The following TSHZ2 variants were observed in gnomAD, a reference collection of about 807,000 sequenced individuals.
TSHZ2 encodes the protein teashirt homolog 2.
A neutral mutation model predicts 74.4 loss-of-function variants in TSHZ2; 21 were observed. The ratio of observed to expected loss-of-function variants is 0.28; its 90% confidence interval spans 0.20 to 0.41. TSHZ2 has a LOEUF of 0.41. Among genes scored for constraint, TSHZ2 ranks in the 10% least tolerant of loss-of-function variants. The pLI is 1.00. For synonymous variants in TSHZ2, 540 were observed against 515.3 expected, an observed-to-expected ratio of 1.05 and a Z score of -0.65; for missense variants, 1,244 against 1,293.5, an observed-to-expected ratio of 0.96 and a Z score of 0.59.
intron 1 of TSHZ2, among the ~76,000 whole-genome samples, chr20:52,976,861 T>C (rs543916055): frequency 1.3e-5 from 2 of 152,296 alleles, no homozygotes; most frequent in East Asian, 3.9e-4. Flanking sequence ...TGCTGACTCT[T>C]AAAGGCTTTC....
intron 1 of TSHZ2, among the ~76,000 whole-genome samples, chr20:53,076,261 G>A (rs1348004506): frequency 1.3e-5 from 2 of 152,202 alleles, no homozygotes; most frequent in African/African-American, 2.4e-5. Context: ...ACAGCAGAAA[G>A]GATGATGGAG....
At chr20:53,203,715 A>T (rs1237654767) in intron 1 of TSHZ2, among the ~76,000 whole-genome samples, 1 of 152,092 alleles carries the variant, frequency 6.6e-6, no homozygotes, top group Non-Finnish European at 1.5e-5. Context: ...AAACCAGGAA[A>T]ATAAATTTTT....
At chr20:52,988,046 T>C (rs1049337715) in intron 1 of TSHZ2, among the ~76,000 whole-genome samples, 5 of 152,198 alleles carry the variant, frequency 3.3e-5, no homozygotes, top group African/African-American at 1.2e-4. Flanking sequence ...TCCTTTGTTC[T>C]TTCCTGATTT....
Position 53,488,833 on chromosome 20 carries a change from AT to A in TSHZ2, c.*1700del, listed in dbSNP as rs1043465833. 2.4e-4 allele frequency: 78 copies of A among 327,112 alleles called. No individual in the cohort carries two copies. Among genetic ancestry groups the A allele is most frequent in the Non-Finnish European group, 3.4e-4 (57 of 166,242 alleles). 20.3% of individuals were successfully genotyped at this position (327,112 alleles called of 1,614,324 possible). A position where few individuals can be genotyped will look rare whatever the true frequency, so the allele number is the denominator to read the frequency against. ...CATGATCCCTAAATTCAACATTGGG[AT>A]TAAAAAAAAAAAAAAACTTCTTATT... On this transcript the variant is annotated 3_prime_UTR_variant, in exon 3 of 3. Transcript: ENST00000371497.
chr20:53,120,158 C>T (rs1444957715), intron 1 of TSHZ2, among the ~76,000 whole-genome samples: 1 of 152,194 alleles, frequency 6.6e-6, no homozygotes, highest in African/African-American at 2.4e-5. Context: ...CTTTCTTTCC[C>T]TTCTCCACAT....
At chr20:53,132,312 A>ATTTTT (rs1261638254) in intron 1 of TSHZ2, among the ~76,000 whole-genome samples, 1 of 133,918 alleles carries the variant, frequency 7.5e-6, no homozygotes, top group African/African-American at 3.4e-5. Flanking sequence ...TTCTGCCCCT[A>ATTTTT]ATTTTTTTTT....
chr20:53,311,623 C>T (rs1978790555), intron 2 of TSHZ2, among the ~76,000 whole-genome samples: 1 of 152,206 alleles, frequency 6.6e-6, no homozygotes, highest in Admixed American at 6.5e-5. Flanking sequence ...CGTACACTGC[C>T]TTTTGAAGAG....
intron 2 of TSHZ2, among the ~76,000 whole-genome samples, chr20:53,482,353 A>T (rs1986176262): frequency 6.6e-6 from 1 of 152,182 alleles, no homozygotes; most frequent in Non-Finnish European, 1.5e-5. Flanking sequence ...AGCATTGTGA[A>T]GTTGACACAA....
chr20:53,385,610 G>A (rs901333051), intron 2 of TSHZ2, among the ~76,000 whole-genome samples: 12 of 152,064 alleles, frequency 7.9e-5, no homozygotes, highest in African/African-American at 1.7e-4. Flanking sequence ...ATCCTCTGTC[G>A]CCCTGGAGAT....
chr20:53,233,062 C>T (rs1482029132), intron 1 of TSHZ2, among the ~76,000 whole-genome samples: 2 of 152,138 alleles, frequency 1.3e-5, no homozygotes, highest in Admixed American at 1.3e-4. Context: ...AAAAGATAAG[C>T]AAAATAAATT....
At chr20:53,403,213 T>C (rs982081281) in intron 2 of TSHZ2, among the ~76,000 whole-genome samples, 1 of 152,236 alleles carries the variant, frequency 6.6e-6, no homozygotes, top group African/African-American at 2.4e-5. Context: ...TCCATCCATG[T>C]TGCTGCAATG....
intron 2 of TSHZ2, among the ~76,000 whole-genome samples, chr20:53,447,304 G>A (rs1984592011): frequency 6.6e-6 from 1 of 152,208 alleles, no homozygotes; most frequent in African/African-American, 2.4e-5. Flanking sequence ...AAACTGATTA[G>A]TGGCCTGTTC....
At position 53,340,790 on chromosome 20, in the gene TSHZ2, T is replaced by G. The variant is rs116836851; in HGVS notation, c.*8+84219T>G. ...CCCTCTCTTTCTCTCTTCTTTGTCT[T>G]GTAGACATGAGAGACAGCAGTGAGT... On this transcript the variant is annotated intron_variant, in intron 2 of 2. Coordinates refer to ENST00000371497, the MANE Select transcript of TSHZ2 (RefSeq NM_173485.6). Among the ~76,000 whole-genome samples the G allele has an allele frequency of 9.0e-3, 1,363 of 152,248 alleles. 20 individuals carry two copies. Among genetic ancestry groups the G allele is most frequent in the African/African-American group, 0.031 (1,297 of 41,546 alleles).
intron 2 of TSHZ2, among the ~76,000 whole-genome samples, chr20:53,326,957 T>C (rs967852661): frequency 1.3e-5 from 2 of 152,154 alleles, no homozygotes; most frequent in African/African-American, 4.8e-5. Flanking sequence ...CCTGGAAAGA[T>C]CCAAGGAGGA....
intron 2 of TSHZ2, among the ~76,000 whole-genome samples, chr20:53,417,624 C>G (rs537175579): frequency 6.6e-6 from 1 of 152,070 alleles, no homozygotes; most frequent in Admixed American, 6.6e-5. Context: ...TTTAGAATAA[C>G]GTGATAGGAA....
At chr20:53,345,269 G>C (rs1481436448) in intron 2 of TSHZ2, among the ~76,000 whole-genome samples, 1 of 152,102 alleles carries the variant, frequency 6.6e-6, no homozygotes, top group Admixed American at 6.5e-5. Context: ...AGATGACAGG[G>C]AACTAGGCAC....
chr20:53,098,657 T>A (rs1237606105), intron 1 of TSHZ2, among the ~76,000 whole-genome samples: 1 of 152,244 alleles, frequency 6.6e-6, no homozygotes, highest in Non-Finnish European at 1.5e-5. Flanking sequence ...TTCTCAAAAA[T>A]TAGCTAGAAA....
chr20:53,238,489 G>A (rs769999641), intron 1 of TSHZ2, among the ~76,000 whole-genome samples: 77 of 152,072 alleles, frequency 5.1e-4, no homozygotes, highest in Non-Finnish European at 1.0e-3. Flanking sequence ...CAAGAGTTTG[G>A]TTGGCCAAGC....
intron 1 of TSHZ2, among the ~76,000 whole-genome samples, chr20:53,211,268 A>C (rs753334095): frequency 4.6e-5 from 7 of 152,224 alleles, no homozygotes; most frequent in Non-Finnish European, 8.8e-5. Context: ...ATCGGCGTTT[A>C]AAATTAAACC....
Sources: allele counts gnomAD v4.1 joint callset (sites outside exome capture counted in the v4.1 genomes callset), GRCh38; gene constraint gnomAD v4.1.1; transcripts MANE v1.5; gene names NCBI Gene and HGNC (gene_info 2026-07-23, HGNC 2026-07-21).